The following IGF1R variants were observed in gnomAD, a reference collection of about 807,000 sequenced individuals.
The protein encoded by IGF1R is insulin-like growth factor 1 receptor.
In IGF1R, 44 loss-of-function variants were observed where a neutral mutation model predicts 144.6. That is an observed-to-expected ratio of 0.30 (90% CI 0.24 to 0.39). IGF1R has a LOEUF of 0.39. Among genes scored for constraint, IGF1R ranks in the 10% least tolerant of loss-of-function variants. The probability of loss-of-function intolerance (pLI) is 1.00; values close to 1 mark genes in which losing one functional copy is unlikely to be tolerated. For synonymous variants in IGF1R, 795 were observed against 722.8 expected, an observed-to-expected ratio of 1.10 and a Z score of -1.60; for missense variants, 1,355 against 1,833.7, an observed-to-expected ratio of 0.74 and a Z score of 4.77.
At chr15:98,706,704 G>A (rs2053871161) in intron 1 of IGF1R, among the ~76,000 whole-genome samples, 1 of 152,104 alleles carries the variant, frequency 6.6e-6, no homozygotes, top group Non-Finnish European at 1.5e-5. Context: ...TGAAGGAAGT[G>A]TGTTTACAAA....
intron 1 of IGF1R, among the ~76,000 whole-genome samples, chr15:98,656,588 G>A (rs558695919): frequency 6.7e-6 from 1 of 149,442 alleles, no homozygotes; most frequent in South Asian, 2.1e-4. Context: ...TGCTCACCTG[G>A]TAATAGTCTG....
intron 2 of IGF1R, among the ~76,000 whole-genome samples, chr15:98,818,154 A>G (rs1459291649): frequency 6.6e-6 from 1 of 152,110 alleles, no homozygotes; most frequent in Non-Finnish European, 1.5e-5. Flanking sequence ...TAACAGCCCT[A>G]CCTTCAACAG....
At chr15:98,746,704 G>C (rs761875957) in intron 2 of IGF1R, among the ~76,000 whole-genome samples, 3 of 152,206 alleles carry the variant, frequency 2.0e-5, no homozygotes, top group Non-Finnish European at 4.4e-5. Context: ...CACAAGGTCT[G>C]CTGATTAAAT....
intron 2 of IGF1R, among the ~76,000 whole-genome samples, chr15:98,835,099 ACACACACACACCCCTACACC>A (rs1190219982): frequency 1.3e-5 from 2 of 149,522 alleles, no homozygotes; most frequent in Non-Finnish European, 3.0e-5. Context: ...ACACACACAC[ACACACACACACCCCTACACC>A]CACACACACC....
chr15:98,878,573 A>AC (rs2013177729), intron 2 of IGF1R, among the ~76,000 whole-genome samples: 1 of 147,602 alleles, frequency 6.8e-6, no homozygotes, highest in African/African-American at 2.5e-5. Flanking sequence ...GTCTTTACGT[A>AC]CACATGCCTG....
chr15:98,775,995 G>A (rs576406312), intron 2 of IGF1R, among the ~76,000 whole-genome samples: 2 of 152,252 alleles, frequency 1.3e-5, no homozygotes, highest in Non-Finnish European at 2.9e-5. Flanking sequence ...TGCCAAGTAC[G>A]CAGCCTTCTT....
intron 3 of IGF1R, among the ~76,000 whole-genome samples, chr15:98,895,213 GAC>G (rs571346549): frequency 1.6e-3 from 231 of 140,472 alleles, no homozygotes; most frequent in African/African-American, 6.4e-3. Flanking sequence ...AGTGATCAGT[GAC>G]ACAGCACCAC....
chr15:98,918,201 A>G (rs1190149744), intron 10 of IGF1R, among the ~76,000 whole-genome samples: 1 of 152,092 alleles, frequency 6.6e-6, no homozygotes, highest in Non-Finnish European at 1.5e-5. Flanking sequence ...TAGGCCAAGG[A>G]GTTGGATTTA....
chr15:98,934,377 TCTC>T (rs757674093), intron 15 of IGF1R, among the ~76,000 whole-genome samples: 12 of 152,310 alleles, frequency 7.9e-5, no homozygotes, highest in East Asian at 1.9e-4. Context: ...TCCCTACTAC[TCTC>T]CTCCTTTTTA....
At position 98,853,210 on chromosome 15, in the gene IGF1R, A is replaced by G. The variant is rs1267757498; in HGVS notation, c.641-38115A>G. 2.6e-5 allele frequency among the ~76,000 whole-genome samples: 4 copies of G among 152,170 alleles called. No individual in the cohort carries two copies. In the East Asian group the frequency reaches 7.7e-4, roughly 29 times the overall value. ...TTTGAAATATGTTTCCTCCCTTTAA[A>G]AAAAAGAAGGGGGGCAGTATTGTGT... On this transcript the variant is annotated intron_variant, in intron 2 of 20. Coordinates refer to ENST00000650285, the MANE Select transcript of IGF1R (RefSeq NM_000875.5).
chr15:98,711,277 ATCT>A (rs956455922), intron 2 of IGF1R, among the ~76,000 whole-genome samples: 2 of 152,180 alleles, frequency 1.3e-5, no homozygotes, highest in Non-Finnish European at 2.9e-5. Context: ...CATTCAGGTA[ATCT>A]TCTGTTGGCT....
intron 1 of IGF1R, among the ~76,000 whole-genome samples, chr15:98,656,692 CTTTGT>C (rs1386195886): frequency 6.6e-6 from 1 of 151,982 alleles, no homozygotes; most frequent in Non-Finnish European, 1.5e-5. Context: ...GAGTTTGAAA[CTTTGT>C]TTTATCTCAC....
chr15:98,798,964 T>A (rs549135903), intron 2 of IGF1R, among the ~76,000 whole-genome samples: 6 of 152,120 alleles, frequency 3.9e-5, no homozygotes, highest in Non-Finnish European at 8.8e-5. Flanking sequence ...CACAGAGAGG[T>A]TAGCTAACTT....
chr15:98,888,252 T>C (rs1227548514), intron 2 of IGF1R, among the ~76,000 whole-genome samples: 1 of 152,230 alleles, frequency 6.6e-6, no homozygotes. Flanking sequence ...ACACATTAAA[T>C]AGCTGCTAAA....
chr15:98,873,880 G>A (rs2012915403), intron 2 of IGF1R: 1 of 152,164 alleles, frequency 6.6e-6, no homozygotes, highest in East Asian at 1.9e-4. Context: ...ATGAATAAGT[G>A]GCATTTTTAG....
intron 2 of IGF1R, among the ~76,000 whole-genome samples, chr15:98,832,203 T>C (rs2141504787): frequency 6.6e-6 from 1 of 152,294 alleles, no homozygotes; most frequent in East Asian, 1.9e-4. Flanking sequence ...ACAGATTCTG[T>C]GTGCCCAAGG....
chr15:98,763,931 C>G (rs2055370698), intron 2 of IGF1R, among the ~76,000 whole-genome samples: 1 of 152,182 alleles, frequency 6.6e-6, no homozygotes, highest in Admixed American at 6.5e-5. Flanking sequence ...CTAGAGCTTT[C>G]TTTCCCATTC....
intron 17 of IGF1R, among the ~76,000 whole-genome samples, chr15:98,938,445 T>C (rs1220695855): frequency 6.6e-6 from 1 of 152,226 alleles, no homozygotes; most frequent in Non-Finnish European, 1.5e-5. Flanking sequence ...TATAAAACTT[T>C]TTTCTAAATG....
chr15:98,715,848 G>A (rs2054101422), intron 2 of IGF1R, among the ~76,000 whole-genome samples: 1 of 152,194 alleles, frequency 6.6e-6, no homozygotes, highest in South Asian at 2.1e-4. Context: ...GTTCCAGGGA[G>A]GCTGGTGGGT....
Sources: allele counts gnomAD v4.1 joint callset (sites outside exome capture counted in the v4.1 genomes callset), GRCh38; gene constraint gnomAD v4.1.1; transcripts MANE v1.5; gene names NCBI Gene and HGNC (gene_info 2026-07-23, HGNC 2026-07-21).